KDELR3: variants seen among roughly 807,000 people sequenced by gnomAD.
The protein encoded by KDELR3 is ER lumen protein-retaining receptor 3.
KDELR3 carries 26 observed loss-of-function variants against 22.7 expected under a neutral mutation model. That is an observed-to-expected ratio of 1.15 (90% CI 0.84 to 1.59). The LOEUF (loss-of-function observed/expected upper bound fraction) is 1.59. Among genes scored for constraint, KDELR3 ranks in the 40% most tolerant of loss-of-function variants. The probability of loss-of-function intolerance (pLI) is 0.00; values close to 1 mark genes in which losing one functional copy is unlikely to be tolerated. For synonymous variants in KDELR3, 120 were observed against 98.2 expected (o/e 1.22, Z -1.31); for missense variants, 289 against 251.1 (o/e 1.15, Z -1.02).
intron 1 of KDELR3, among the ~76,000 whole-genome samples, chr22:38,469,447 A>AGGG (rs1268438952): frequency 1.3e-5 from 2 of 152,194 alleles, no homozygotes; most frequent in South Asian, 4.1e-4. Context: ...GGCACAGAGC[A>AGGG]GGGGGAGGCC....
At chr22:38,477,028 T>TC (rs1852466780) in intron 2 of KDELR3, among the ~76,000 whole-genome samples, 1 of 148,672 alleles carries the variant, frequency 6.7e-6, no homozygotes, top group Admixed American at 6.7e-5. Flanking sequence ...TGCCTCAGCC[T>TC]CCCGAGTAGC....
At chr22:38,477,210 G>C (rs912843592) in intron 2 of KDELR3, among the ~76,000 whole-genome samples, 1 of 149,212 alleles carries the variant, frequency 6.7e-6, no homozygotes, top group African/African-American at 2.5e-5. Context: ...ACCATGCCCA[G>C]TCTTTTTTAT....
intron 1 of KDELR3, among the ~76,000 whole-genome samples, chr22:38,472,793 G>A (rs945514553): frequency 6.6e-6 from 1 of 152,110 alleles, no homozygotes; most frequent in Non-Finnish European, 1.5e-5. Context: ...TCCACCTCCT[G>A]GGTTCAAGCG....
Position 38,481,481 on chromosome 22 carries a change from C to G in KDELR3, c.604+17C>G. ...TGACCAAAGGTAGGTCCTGGGATGACAGCAATGCTGACACTGGCCTAAGGA... is the reference window on the plus strand; with the variant it reads ...TGACCAAAGGTAGGTCCTGGGATGAGAGCAATGCTGACACTGGCCTAAGGA... On this transcript the variant is annotated intron_variant, in intron 4 of 4. Coordinates refer to ENST00000216014, the MANE Select transcript of KDELR3 (RefSeq NM_006855.4). 1.2e-6 allele frequency: 2 copies of G among 1,614,110 alleles called. No homozygotes were observed. The highest frequency in any genetic ancestry group is 1.7e-6 in the Non-Finnish European group (2 of 1,180,010).
Position 38,479,665 on chromosome 22 carries a change from G to C in KDELR3, c.265G>C (p.Glu89Gln), listed in dbSNP as rs752256020. The C allele has an allele frequency of 8.7e-6, 14 of 1,614,052 alleles. No homozygotes were observed. Among genetic ancestry groups the C allele is most frequent in the Non-Finnish European group, 1.1e-5 (13 of 1,179,908 alleles). ...GAAATTCCGTAAAACTTTTGACAGT[G>C]AGAATGACACATTCCGCCTGGAGTT... is the stretch of plus-strand genomic sequence containing the variant. ...YGKFRKTFDS[E>Q]NDTFRLEFLL... is the part of the protein sequence containing the mutation. Residue 89 changes from glutamate (E) to glutamine (Q), a missense_variant, in exon 3 of 5, where the codon GAG becomes CAG. Physicochemically the swap from Glu to Gln is conservative, Grantham distance 29. Coordinates refer to ENST00000216014, the MANE Select transcript of KDELR3 (RefSeq NM_006855.4).
rs1443516507 is a variant in KDELR3 at position 38,474,527 on chromosome 22, C to T, written c.96C>T (p.Ile32=). Residue 32 remains isoleucine (I), a synonymous_variant, in exon 2 of 5, where the codon ATC becomes ATT. Coordinates refer to ENST00000216014, the MANE Select transcript of KDELR3 (RefSeq NM_006855.4). ...KIWRSKCCKG[I]SGKSQILFAL... ...CCTGTCTACCCTTGGCCACAGGCATCTCTGGGAAGAGCCAGATCCTGTTTG... is the reference window on the plus strand; with the variant it reads ...CCTGTCTACCCTTGGCCACAGGCATTTCTGGGAAGAGCCAGATCCTGTTTG... The T allele has an allele frequency of 7.4e-6, 12 of 1,613,630 alleles. No homozygotes were observed. The highest frequency in any genetic ancestry group is 1.0e-5 in the Non-Finnish European group (12 of 1,179,844).
chr22:38,477,884 T>TAGGA (rs2089570600), intron 2 of KDELR3, among the ~76,000 whole-genome samples: 1 of 152,204 alleles, frequency 6.6e-6, no homozygotes, highest in African/African-American at 2.4e-5. Context: ...GAATGAGGTC[T>TAGGA]AGGAAGCTCA....
At chr22:38,481,082 T>C in intron 3 of KDELR3, 130 bp from the exon 4 acceptor site, 2 of 802,594 alleles carry the variant, frequency 2.5e-6, no homozygotes, top group Non-Finnish European at 4.0e-6. Context: ...AATATTATAA[T>C]TTTTATTGAG....
chr22:38,470,401 T>C (rs1458814544), intron 1 of KDELR3, among the ~76,000 whole-genome samples: 3 of 152,224 alleles, frequency 2.0e-5, no homozygotes, highest in Non-Finnish European at 4.4e-5. Flanking sequence ...GTGGTGGACC[T>C]GACTTTCTAG....
chr22:38,477,280 T>C (rs755061838), intron 2 of KDELR3, among the ~76,000 whole-genome samples: 14 of 150,336 alleles, frequency 9.3e-5, no homozygotes, highest in Non-Finnish European at 1.8e-4. Context: ...CTCGGCTCAT[T>C]GCAACCTCCG....
chr22:38,468,117 G>T lies in KDELR3; in HGVS notation c.-117G>T, dbSNP rs910753570. On this transcript the variant is annotated 5_prime_UTR_variant, in exon 1 of 5. Transcript: ENST00000216014. ...GGGTGCGATCGCGGAGCTGTGAGGC[G>T]CAGGCAGGGCTCTGGGGCACCTAGA... 3.6e-6 allele frequency: 3 copies of T among 844,380 alleles called. No homozygotes were observed. The African/African-American group carries it at 5.0e-5, about 14-fold the overall frequency. 52.3% of individuals were successfully genotyped at this position (844,380 alleles called of 1,614,324 possible). A position where few individuals can be genotyped will look rare whatever the true frequency, so the allele number is the denominator to read the frequency against.
At chr22:38,476,065 G>T (rs2089555458) in intron 2 of KDELR3, among the ~76,000 whole-genome samples, 1 of 152,094 alleles carries the variant, frequency 6.6e-6, no homozygotes, top group African/African-American at 2.4e-5. Flanking sequence ...GAGTAGCTGG[G>T]ACTACAGGCA....
Position 38,483,277 on chromosome 22 carries a change from G to A in KDELR3, c.*741G>A, listed in dbSNP as rs541173578. On this transcript the variant is annotated 3_prime_UTR_variant, in exon 5 of 5. Coordinates refer to ENST00000216014, the MANE Select transcript of KDELR3 (RefSeq NM_006855.4). ...CCCTTACCTACTAGGTATCCTGCTA[G>A]GGTTTTCAATTCCAATTCTTGTATT... The A allele has an allele frequency of 2.0e-5, 3 of 152,296 alleles. No individual in the cohort carries two copies. In the South Asian group the frequency reaches 6.2e-4, roughly 32 times the overall value. The allele number at this position is 152,296 out of a possible 1,614,324, so 9.4% of individuals were successfully genotyped here.
At chr22:38,478,101 G>A (rs1050278597) in intron 2 of KDELR3, among the ~76,000 whole-genome samples, 1 of 151,354 alleles carries the variant, frequency 6.6e-6, no homozygotes, top group African/African-American at 2.5e-5. Flanking sequence ...TGTTCACATG[G>A]AGCTATGGCG....
intron 3 of KDELR3, 137 bp downstream of exon 3, chr22:38,479,888 T>C (rs991893689): frequency 1.2e-5 from 10 of 825,878 alleles, no homozygotes; most frequent in African/African-American, 3.4e-5. Context: ...TGAGAAGAAA[T>C]TGACAAGCTA....
chr22:38,482,502 A>C lies in KDELR3; in HGVS notation c.611A>C (p.Lys204Thr). 6.2e-7 allele frequency: 1 copy of C among 1,612,258 alleles called. No homozygotes were observed. The highest frequency in any genetic ancestry group is 2.2e-5 in the East Asian group (1 of 44,898). ...FFYLYVTKVL[K>T]GKKLSLPMPI ...CATCTCCATTTTCTTCCAGTCCTTAAGGGAAAGAAGTTAAGTCTTCCAATG... is the reference window on the plus strand; with the variant it reads ...CATCTCCATTTTCTTCCAGTCCTTACGGGAAAGAAGTTAAGTCTTCCAATG... Residue 204 changes from lysine (K) to threonine (T), a missense_variant, in exon 5 of 5, where the codon AAG becomes ACG. Transcript: ENST00000216014.
At chr22:38,474,150 G>A (rs1484059547) in intron 1 of KDELR3, among the ~76,000 whole-genome samples, 1 of 152,098 alleles carries the variant, frequency 6.6e-6, no homozygotes, top group Non-Finnish European at 1.5e-5. Context: ...GGGACTGTCA[G>A]TGGAACTCTG....
intron 3 of KDELR3, among the ~76,000 whole-genome samples, chr22:38,480,931 T>TAA (rs369235996): frequency 2.8e-5 from 4 of 140,868 alleles, no homozygotes; most frequent in Non-Finnish European, 1.6e-5. Flanking sequence ...GACCCTATCT[T>TAA]AAAAAAAAAA....
chr22:38,476,025 G>T (rs1375250785), intron 2 of KDELR3, among the ~76,000 whole-genome samples: 1 of 151,872 alleles, frequency 6.6e-6, no homozygotes. Context: ...AACTTCCCGG[G>T]CTGAAGGGGT....
Sources: gnomAD v4.1 joint callset for allele counts (sites outside exome capture counted in the v4.1 genomes callset) on GRCh38, gnomAD v4.1.1 for gene constraint, MANE v1.5 for transcripts, NCBI Gene and HGNC (gene_info 2026-07-23, HGNC 2026-07-21) for gene names.